XYLT1: variants seen among roughly 807,000 people sequenced by gnomAD.
XYLT1 encodes xylosyltransferase 1.
Under a neutral mutation model 91.3 loss-of-function variants are expected in XYLT1, and 36 were observed. That is an observed-to-expected ratio of 0.39 (90% CI 0.30 to 0.52). XYLT1 has a LOEUF of 0.52. XYLT1 is among the 20% of genes least tolerant of loss of function. The pLI, the probability that XYLT1 is intolerant of heterozygous loss-of-function variation, is 0.68. For synonymous variants in XYLT1, 588 were observed against 532.0 expected (o/e 1.11, Z -1.45); for missense variants, 1,242 against 1,284.5 (o/e 0.97, Z 0.51).
intron 3 of XYLT1, among the ~76,000 whole-genome samples, chr16:17,203,305 T>C (rs1021476376): frequency 2.0e-5 from 3 of 152,234 alleles, no homozygotes; most frequent in Non-Finnish European, 2.9e-5. Context: ...GAGATGCTGA[T>C]TCTAGGTGAT....
At chr16:17,227,608 C>T (rs148343373) in intron 3 of XYLT1, 4 of 152,372 alleles carry the variant, frequency 2.6e-5, no homozygotes, top group Non-Finnish European at 5.9e-5. Flanking sequence ...AGAAGAGGCT[C>T]AAGCTGCAAT....
At position 17,376,827 on chromosome 16, in the gene XYLT1, CAAAAAAAAAA is replaced by C. The variant is rs10684824; in HGVS notation, c.364-18787_364-18778del. Among the ~76,000 whole-genome samples the C allele has an allele frequency of 2.9e-3, 160 of 55,676 alleles. 1 individual carries two copies. Among genetic ancestry groups the C allele is most frequent in the African/African-American group, 0.012 (152 of 12,414 alleles). 36.5% of individuals were successfully genotyped at this position (55,676 alleles called of 152,430 possible). On this transcript the variant is annotated intron_variant, in intron 1 of 11. Coordinates refer to ENST00000261381, the MANE Select transcript of XYLT1 (RefSeq NM_022166.4). ...GAGCAACAAGAGCAAAACTCTGTCTCAAAAAAAAAAAAAAAAAAAAAAAAAATAGGGACCA... is the reference window on the plus strand; with the variant it reads ...GAGCAACAAGAGCAAAACTCTGTCTCAAAAAAAAAAAAAAAATAGGGACCA...
At chr16:17,307,073 T>TTTGTTG (rs560076174) in intron 2 of XYLT1, among the ~76,000 whole-genome samples, 76 of 151,906 alleles carry the variant, frequency 5.0e-4, no homozygotes, top group African/African-American at 1.8e-3. Flanking sequence ...TTGTGGGGTT[T>TTTGTTG]TTGTTGTTGT....
At chr16:17,437,747 G>A (rs182227747) in intron 1 of XYLT1, among the ~76,000 whole-genome samples, 1 of 152,272 alleles carries the variant, frequency 6.6e-6, no homozygotes, top group Non-Finnish European at 1.5e-5. Context: ...GAGGCAGGAG[G>A]AGCTCTCCAA....
chr16:17,195,643 A>C (rs560042763), intron 5 of XYLT1, among the ~76,000 whole-genome samples: 188 of 151,858 alleles, frequency 1.2e-3, no homozygotes, highest in African/African-American at 4.2e-3. Context: ...ATGGGGTTTC[A>C]CCATCTTGGC....
At chr16:17,257,326 C>G (rs2033648976) in intron 3 of XYLT1, among the ~76,000 whole-genome samples, 1 of 152,138 alleles carries the variant, frequency 6.6e-6, no homozygotes, top group African/African-American at 2.4e-5. Flanking sequence ...TCCCTGTTAG[C>G]TGGTAGCTGA....
At chr16:17,168,786 C>T (rs112624933) in intron 5 of XYLT1, among the ~76,000 whole-genome samples, 439 of 152,234 alleles carry the variant, frequency 2.9e-3, no homozygotes, top group African/African-American at 9.9e-3. Flanking sequence ...CCAGGCTCCT[C>T]TTTACCTCGT....
In XYLT1 at chr16:17,168,738, T is replaced by G. The variant is rs1213547994; in HGVS notation, c.1290-9829A>C. Among the ~76,000 whole-genome samples the G allele has an allele frequency of 4.6e-5, 7 of 152,138 alleles. No homozygotes were observed. In the South Asian group the frequency reaches 1.4e-3, roughly 32 times the overall value. The stretch of plus-strand genomic sequence containing the variant: ...CATAATTCCAGCCACCATGAGCAAC[T>G]GAGGAAAAGTGAACTGGATAAAATG... On this transcript the variant is annotated intron_variant, in intron 5 of 11. Coordinates refer to ENST00000261381, the MANE Select transcript of XYLT1 (RefSeq NM_022166.4).
chr16:17,198,213 T>C lies in XYLT1; in HGVS notation c.1288A>G (p.Arg430Gly), dbSNP rs752368056. 1 of 1,614,102 alleles carries C rather than the reference T, an allele frequency of 6.2e-7. No individual in the cohort carries two copies. Among genetic ancestry groups the C allele is most frequent in the East Asian group, 2.2e-5 (1 of 44,876 alleles). Reference sequence around the variant, plus strand: ...GCTTGGGGCCCTTGGCTGCCTTACCTGATGGGGTAGTCGGCCGCACTCAGG... The same window carrying C: ...GCTTGGGGCCCTTGGCTGCCTTACCCGATGGGGTAGTCGGCCGCACTCAGG... ...INLSAADYPI[R>G]TNDQLVAFLS... is the part of the protein sequence containing the mutation. The change falls in exon 5 of 12, where the codon AGG becomes GGG. Residue 430 changes from arginine (R) to glycine (G), a missense_variant and splice_region_variant. Around this residue, in one of 3 missense-constraint regions of XYLT1, gnomAD observed 294 missense variants for 376.0 expected, o/e 0.78. Transcript: ENST00000261381.
rs1484546055 is a variant in XYLT1 at position 17,470,607 on chromosome 16, G to T, written c.190C>A (p.Arg64Ser). 1 of 1,145,934 alleles carries T rather than the reference G, an allele frequency of 8.7e-7. No homozygotes were observed. Among genetic ancestry groups the T allele is most frequent in the Admixed American group, 4.9e-5 (1 of 20,540 alleles). The allele number at this position is 1,145,934 out of a possible 1,614,324, so 71.0% of individuals were successfully genotyped here. A position where few individuals can be genotyped will look rare whatever the true frequency, so the allele number is the denominator to read the frequency against. ...GEQPPPAPAP[R>S]RERRDLPAEP... ...GCGGGCAGGTCCCGGCGCTCCCGGC[G>T]CGGGGCCGGGGCCGGGGGCGGCTGC... is the stretch of plus-strand genomic sequence containing the variant. Residue 64 changes from arginine to serine, a missense_variant, in exon 1 of 12, where the codon CGC becomes AGC. Arg to Ser is a moderately radical substitution (Grantham distance 110). Coordinates refer to ENST00000261381, the MANE Select transcript of XYLT1 (RefSeq NM_022166.4).
At chr16:17,301,916 A>G (rs556573767) in intron 2 of XYLT1, among the ~76,000 whole-genome samples, 2 of 152,234 alleles carry the variant, frequency 1.3e-5, no homozygotes, top group South Asian at 4.1e-4. Context: ...TAGCTTCCCT[A>G]AAATACATGT....
rs1267938932 is a variant in XYLT1, at chr16:17,386,627, C to G, written c.364-28577G>C. On this transcript the variant is annotated intron_variant, in intron 1 of 11. Coordinates refer to ENST00000261381, the MANE Select transcript of XYLT1 (RefSeq NM_022166.4). The stretch of plus-strand genomic sequence containing the variant: ...TGATTCCATTTCAAGGAAGCTGATT[C>G]CTACTCAGTATTTCCGTTGCATGTC... Among the ~76,000 whole-genome samples the G allele has an allele frequency of 2.2e-5, 3 of 138,494 alleles. No individual in the cohort carries two copies. The East Asian group carries it at 5.8e-4, about 27-fold the overall frequency. 90.9% of individuals were successfully genotyped at this position (138,494 alleles called of 152,430 possible).
At chr16:17,263,664 G>A (rs2141763878) in intron 2 of XYLT1, among the ~76,000 whole-genome samples, 1 of 151,674 alleles carries the variant, frequency 6.6e-6, no homozygotes, top group Non-Finnish European at 1.5e-5. Flanking sequence ...TTTCTATAGT[G>A]ACTGCGGCGT....
chr16:17,417,355 C>T (rs1173698106), intron 1 of XYLT1, among the ~76,000 whole-genome samples: 1 of 152,146 alleles, frequency 6.6e-6, no homozygotes, highest in East Asian at 1.9e-4. Flanking sequence ...ACAATTCCCT[C>T]ATTCTCTCAG....
At chr16:17,311,655 G>A (rs2034552042) in intron 2 of XYLT1, among the ~76,000 whole-genome samples, 1 of 152,114 alleles carries the variant, frequency 6.6e-6, no homozygotes, top group Admixed American at 6.5e-5. Flanking sequence ...TGCAACTTAG[G>A]CAGTAAAAAG....
intron 2 of XYLT1, among the ~76,000 whole-genome samples, chr16:17,281,575 G>A (rs2034059264): frequency 6.6e-6 from 1 of 152,190 alleles, no homozygotes. Context: ...ATGGAACCCT[G>A]GCTAGACCAA....
At chr16:17,374,084 C>T (rs560141438) in intron 1 of XYLT1, among the ~76,000 whole-genome samples, 9 of 152,194 alleles carry the variant, frequency 5.9e-5, no homozygotes, top group Non-Finnish European at 1.3e-4. Context: ...GAGAATTAAA[C>T]TGGCTGCCAA....
intron 2 of XYLT1, among the ~76,000 whole-genome samples, chr16:17,311,839 A>AGC (rs1228673176): frequency 6.8e-6 from 1 of 146,000 alleles, no homozygotes; most frequent in African/African-American, 2.5e-5. Context: ...GGCAGCAGGC[A>AGC]AAAGGAAAAT....
intron 2 of XYLT1, among the ~76,000 whole-genome samples, chr16:17,276,988 C>T (rs1272514755): frequency 6.6e-6 from 1 of 152,188 alleles, no homozygotes; most frequent in Non-Finnish European, 1.5e-5. Context: ...ATGCGAACTC[C>T]TACAACGACT....
Sources: gnomAD v4.1 joint callset for allele counts (sites outside exome capture counted in the v4.1 genomes callset) on GRCh38, gnomAD v4.1.1 for gene constraint, gnomAD v4.1.1 regional missense constraint, MANE v1.5 for transcripts, NCBI Gene and HGNC (gene_info 2026-07-23, HGNC 2026-07-21) for gene names.